Variants in IQCM observed in about 807,000 individuals in gnomAD.
IQCM encodes IQ motif containing M.
A neutral mutation model predicts 57.6 loss-of-function variants in IQCM; 45 were observed. The observed-to-expected ratio is 0.78, with a 90% CI of 0.62 to 1.00. The LOEUF (loss-of-function observed/expected upper bound fraction) is 1.00. Ranked by LOEUF, IQCM falls within the 50% of genes least tolerant of loss-of-function variation. The probability of loss-of-function intolerance (pLI) is 0.00; values close to 1 mark genes in which losing one functional copy is unlikely to be tolerated. For missense variants in IQCM, 468 were observed against 511.6 expected, an observed-to-expected ratio of 0.91 and a Z score of 0.82; for synonymous variants, 148 against 158.9, an observed-to-expected ratio of 0.93 and a Z score of 0.51.
intron 12 of IQCM, among the ~76,000 whole-genome samples, chr4:149,509,524 C>T (rs1211690705): frequency 6.6e-6 from 1 of 151,854 alleles, no homozygotes; most frequent in Admixed American, 6.6e-5. Flanking sequence ...GCTAGGATTA[C>T]AGCATGAGCC....
intron 5 of IQCM, among the ~76,000 whole-genome samples, chr4:149,724,245 A>G (rs920854529): frequency 2.0e-5 from 3 of 152,018 alleles, no homozygotes; most frequent in African/African-American, 7.2e-5. Context: ...AATATAAATT[A>G]GGTTTCATAA....
intron 2 of IQCM, among the ~76,000 whole-genome samples, chr4:149,784,589 G>A (rs1333552196): frequency 6.6e-6 from 1 of 152,076 alleles, no homozygotes; most frequent in Non-Finnish European, 1.5e-5. Context: ...CTAATTTTTT[G>A]TATTTTTAGT....
In IQCM at chr4:149,786,344, C is replaced by T. The variant is rs779520236; in HGVS notation, c.-49+28967G>A. Among the ~76,000 whole-genome samples the T allele has an allele frequency of 2.6e-4, 40 of 152,036 alleles. 1 individual carries two copies. The highest frequency in any genetic ancestry group is 7.2e-4 in the African/African-American group (30 of 41,386). On this transcript the variant is annotated intron_variant, in intron 2 of 13. Coordinates refer to ENST00000636793, the MANE Select transcript of IQCM (RefSeq NM_001363507.2). Reference sequence around the variant, plus strand: ...AGAATATCAGAGTGGAGAGATTTTACGGAGAAAGAGGTCCAGAGATGTAAA... The same window carrying T: ...AGAATATCAGAGTGGAGAGATTTTATGGAGAAAGAGGTCCAGAGATGTAAA...
At chr4:149,614,447 A>G (rs1264679634) in intron 8 of IQCM, among the ~76,000 whole-genome samples, 1 of 152,204 alleles carries the variant, frequency 6.6e-6, no homozygotes, top group Non-Finnish European at 1.5e-5. Flanking sequence ...CTTTTGCCAC[A>G]CTGAATTTCT....
chr4:149,608,654 A>G (rs72957430), intron 8 of IQCM, among the ~76,000 whole-genome samples: 2,787 of 151,996 alleles, frequency 0.018, 55 homozygotes, highest in African/African-American at 0.055. Context: ...TATATTCCCA[A>G]ATGACTAGTG....
At chr4:149,696,238 T>G (rs1006425077) in intron 5 of IQCM, among the ~76,000 whole-genome samples, 3 of 152,190 alleles carry the variant, frequency 2.0e-5, no homozygotes, top group African/African-American at 4.8e-5. Flanking sequence ...TGAACAAGTA[T>G]TTGTCAGCTT....
chr4:149,354,062 AT>A (rs1480244884), intron 13 of IQCM, among the ~76,000 whole-genome samples: 1 of 152,060 alleles, frequency 6.6e-6, no homozygotes, highest in East Asian at 1.9e-4. Flanking sequence ...AATAAAACTT[AT>A]TTTTTAAAAC....
chr4:149,756,571 A>G (rs942774547), intron 2 of IQCM, among the ~76,000 whole-genome samples: 1 of 152,202 alleles, frequency 6.6e-6, no homozygotes, highest in Non-Finnish European at 1.5e-5. Flanking sequence ...GAATGAATGG[A>G]ACACAAGAAA....
intron 12 of IQCM, among the ~76,000 whole-genome samples, chr4:149,509,446 T>C (rs2149806420): frequency 6.6e-6 from 1 of 152,180 alleles, no homozygotes; most frequent in South Asian, 2.1e-4. Flanking sequence ...GCTCAGCTTT[T>C]TTTTTCTTCT....
intron 12 of IQCM, among the ~76,000 whole-genome samples, chr4:149,440,930 CAT>C (rs1735879088): frequency 6.6e-6 from 1 of 152,024 alleles, no homozygotes; most frequent in African/African-American, 2.4e-5. Context: ...CTTTCCGAAA[CAT>C]GATTGGATAC....
In IQCM at chr4:149,498,239, A is replaced by G. The variant is rs142445530; in HGVS notation, c.1228+50216T>C. Among the ~76,000 whole-genome samples the G allele has an allele frequency of 2.3e-3, 356 of 152,232 alleles. 3 individuals are homozygous for G. Among genetic ancestry groups the G allele is most frequent in the African/African-American group, 7.8e-3 (326 of 41,550 alleles). On this transcript the variant is annotated intron_variant, in intron 12 of 13. Coordinates refer to ENST00000636793, the MANE Select transcript of IQCM (RefSeq NM_001363507.2). The stretch of plus-strand genomic sequence containing the variant: ...TCCTCCCACACAAAACCAAGTGATG[A>G]CCCAGCAAAAATGGGTAAGGTTGCA...
chr4:149,358,582 T>C (rs962277276), intron 13 of IQCM, among the ~76,000 whole-genome samples: 38 of 152,094 alleles, frequency 2.5e-4, no homozygotes, highest in African/African-American at 9.2e-4. Context: ...ATCCTCATTT[T>C]TGTCATATGG....
At chr4:149,732,591 T>C (rs778829678) in intron 5 of IQCM, among the ~76,000 whole-genome samples, 1 of 152,164 alleles carries the variant, frequency 6.6e-6, no homozygotes, top group Non-Finnish European at 1.5e-5. Context: ...AGTCATTCTT[T>C]GTTGAATAGG....
intron 12 of IQCM, among the ~76,000 whole-genome samples, chr4:149,496,464 T>C (rs1742668990): frequency 6.6e-6 from 1 of 152,062 alleles, no homozygotes; most frequent in African/African-American, 2.4e-5. Context: ...AGGGTCTTTA[T>C]AAGAGAGAGG....
chr4:149,491,224 A>G (rs180819737), intron 12 of IQCM, among the ~76,000 whole-genome samples: 120 of 152,192 alleles, frequency 7.9e-4, no homozygotes, highest in African/African-American at 2.7e-3. Context: ...AAATACGTAT[A>G]CTTTATGGAA....
At chr4:149,452,723 G>C (rs755431453) in intron 12 of IQCM, among the ~76,000 whole-genome samples, 1 of 151,376 alleles carries the variant, frequency 6.6e-6, no homozygotes, top group African/African-American at 2.4e-5. Flanking sequence ...GTTTTATTTT[G>C]CTCTCTTTAT....
intron 5 of IQCM, among the ~76,000 whole-genome samples, chr4:149,692,222 A>G (rs1245956451): frequency 6.6e-6 from 1 of 152,192 alleles, no homozygotes; most frequent in Non-Finnish European, 1.5e-5. Context: ...TAAACTGTCT[A>G]TCACACTGTG....
At chr4:149,572,460 T>C (rs1394358310) in intron 9 of IQCM, among the ~76,000 whole-genome samples, 1 of 151,816 alleles carries the variant, frequency 6.6e-6, no homozygotes, top group Non-Finnish European at 1.5e-5. Flanking sequence ...CTCATTTTTC[T>C]TTTAGTTTCC....
intron 12 of IQCM, among the ~76,000 whole-genome samples, chr4:149,450,424 C>T (rs1166072013): frequency 6.6e-6 from 1 of 151,720 alleles, no homozygotes; most frequent in South Asian, 2.1e-4. Flanking sequence ...AGTGAGAAAA[C>T]ACACATAGAA....
Sources: allele counts gnomAD v4.1 joint callset (sites outside exome capture counted in the v4.1 genomes callset), GRCh38; gene constraint gnomAD v4.1.1; transcripts MANE v1.5; gene names NCBI Gene and HGNC (gene_info 2026-07-23, HGNC 2026-07-21).